PLEKHA6: variants seen among roughly 807,000 people sequenced by gnomAD.
PLEKHA6 encodes the protein pleckstrin homology domain containing A6.
In PLEKHA6, 60 loss-of-function variants were observed where a neutral mutation model predicts 116.7. The ratio of observed to expected loss-of-function variants is 0.51; its 90% CI spans 0.42 to 0.64. The LOEUF is 0.64. Among genes scored for constraint, PLEKHA6 ranks in the 30% least tolerant of loss-of-function variants. The probability of loss-of-function intolerance (pLI) is 0.00; values close to 1 mark genes in which losing one functional copy is unlikely to be tolerated. For synonymous variants in PLEKHA6, 489 were observed against 556.1 expected (o/e 0.88, Z 1.70); for missense variants, 1,338 against 1,422.7 (o/e 0.94, Z 0.96).
chr1:204,264,680 T>C (rs1349729458), intron 6 of PLEKHA6, among the ~76,000 whole-genome samples: 2 of 152,184 alleles, frequency 1.3e-5, no homozygotes, highest in African/African-American at 2.4e-5. Context: ...ACATCTCTAC[T>C]GGCCCACTCT....
At chr1:204,236,686 T>C (rs1307599480) in intron 17 of PLEKHA6, among the ~76,000 whole-genome samples, 1 of 152,194 alleles carries the variant, frequency 6.6e-6, no homozygotes, top group Non-Finnish European at 1.5e-5. Flanking sequence ...GTCTGACTTA[T>C]GTAGAGCTCT....
intron 17 of PLEKHA6, among the ~76,000 whole-genome samples, chr1:204,232,380 GAA>G (rs1661313221): frequency 6.6e-6 from 1 of 152,192 alleles, no homozygotes; most frequent in Admixed American, 6.5e-5. Context: ...CTCATTGTAG[GAA>G]AAGTGTGCCC....
chr1:204,246,621 A>T (rs1371172991), intron 13 of PLEKHA6, among the ~76,000 whole-genome samples: 1 of 152,182 alleles, frequency 6.6e-6, no homozygotes, highest in Non-Finnish European at 1.5e-5. Context: ...CAGGGCTTGC[A>T]AACTAGCTAG....
At chr1:204,274,464 G>T in intron 2 of PLEKHA6, 1 of 272,934 alleles carries the variant, frequency 3.7e-6, no homozygotes. Flanking sequence ...TGCTATGCCA[G>T]CCTCATACCT....
intron 1 of PLEKHA6, among the ~76,000 whole-genome samples, chr1:204,350,506 G>A (rs1340770997): frequency 1.3e-5 from 2 of 152,138 alleles, no homozygotes; most frequent in African/African-American, 4.8e-5. Flanking sequence ...TCAGAGCAGG[G>A]TTGGCCTCTA....
At chr1:204,362,846 C>T (rs1366920866), upstream of PLEKHA6, among the ~76,000 whole-genome samples, 1 of 152,238 alleles carries the variant, frequency 6.6e-6, no homozygotes, top group Admixed American at 6.5e-5. Flanking sequence ...CCATGCCTGG[C>T]TAACGATAAC....
intron 1 of PLEKHA6, among the ~76,000 whole-genome samples, chr1:204,317,427 C>A (rs1055193889): frequency 1.3e-5 from 2 of 152,194 alleles, no homozygotes; most frequent in Non-Finnish European, 2.9e-5. Flanking sequence ...CACCTGTAGC[C>A]TTCACCTCCT....
Position 204,261,466 on chromosome 1 carries a change from G to A in PLEKHA6, c.382-18C>T, listed in dbSNP as rs1185008526. On this transcript the variant is annotated intron_variant, in intron 6 of 22. Transcript: ENST00000272203. The surrounding 1 kb of genome is among the most constrained non-coding windows in gnomAD (Gnocchi z 4.0). ...TGCTCAGCCTGTGGGGAGAGGCAGCGTGTGGAGCTGGCCTCGGCCTCATCC... is the reference window on the plus strand; with the variant it reads ...TGCTCAGCCTGTGGGGAGAGGCAGCATGTGGAGCTGGCCTCGGCCTCATCC... 8.8e-6 allele frequency: 14 copies of A among 1,594,098 alleles called. No homozygotes were observed. Among genetic ancestry groups the A allele is most frequent in the South Asian group, 3.4e-5 (3 of 88,236 alleles).
intron 1 of PLEKHA6, among the ~76,000 whole-genome samples, chr1:204,328,652 C>A (rs1014887718): frequency 2.6e-5 from 4 of 152,220 alleles, no homozygotes; most frequent in African/African-American, 9.6e-5. Flanking sequence ...TCCCAAAGTG[C>A]TGGGATTACC....
intron 8 of PLEKHA6, among the ~76,000 whole-genome samples, chr1:204,258,742 A>G (rs1188225399): frequency 6.6e-6 from 1 of 152,260 alleles, no homozygotes. Flanking sequence ...GTAAATGGTC[A>G]TAGATGGCCA....
intron 4 of PLEKHA6, among the ~76,000 whole-genome samples, chr1:204,267,874 C>G (rs1250093160): frequency 6.6e-6 from 1 of 152,130 alleles, no homozygotes; most frequent in African/African-American, 2.4e-5. Context: ...CCTAGACTAG[C>G]AGGAGACACC....
At chr1:204,318,327 G>A (rs1671935994) in intron 1 of PLEKHA6, among the ~76,000 whole-genome samples, 1 of 152,164 alleles carries the variant, frequency 6.6e-6, no homozygotes, top group Non-Finnish European at 1.5e-5. Context: ...AATTCAGCAG[G>A]GTAGGTACTA....
chr1:204,362,600 C>T (rs193242591), upstream of PLEKHA6, among the ~76,000 whole-genome samples: 4 of 152,296 alleles, frequency 2.6e-5, no homozygotes, highest in East Asian at 7.7e-4. Context: ...AAGGGAGCTC[C>T]GTGGGATGAA....
intron 17 of PLEKHA6, among the ~76,000 whole-genome samples, chr1:204,234,572 A>G (rs893000975): frequency 6.6e-6 from 1 of 152,114 alleles, no homozygotes; most frequent in Non-Finnish European, 1.5e-5. Flanking sequence ...TTTTATGCAT[A>G]TGTGATGGTT....
intron 21 of PLEKHA6, among the ~76,000 whole-genome samples, chr1:204,227,604 C>T (rs1226502984): frequency 2.6e-5 from 4 of 152,144 alleles, no homozygotes; most frequent in Admixed American, 1.3e-4. Context: ...GTAATTGCAT[C>T]GCTCTCAACT....
chr1:204,245,662 A>T lies in PLEKHA6; in HGVS notation c.1985T>A (p.Leu662Gln). ...GCCCCGGGAGGGGTTGTTCTTCCTC[A>T]GCCCCTCCATCACGTCCTGGATCCT... ...IWRIQDVMEG[L>Q]RKNNPSRGTD... Residue 662 changes from leucine (L) to glutamine (Q), a missense_variant, in exon 14 of 23, where the codon CTG becomes CAG. By Grantham distance (113) the Leu-to-Gln change is moderately radical. This residue lies in a region of PLEKHA6 where 1,136 missense variants were observed against 1,163.6 expected (regional missense o/e 0.98). Coordinates refer to ENST00000272203, the MANE Select transcript of PLEKHA6 (RefSeq NM_014935.5). 6.2e-7 allele frequency: 1 copy of T among 1,613,754 alleles called. No individual in the cohort carries two copies. The highest frequency in any genetic ancestry group is 1.3e-5 in the African/African-American group (1 of 74,984).
Position 204,229,070 on chromosome 1 carries a change from A to T in PLEKHA6, c.2618T>A (p.Ile873Asn). The change falls in exon 19 of 23, where the codon ATC (isoleucine) becomes AAC (asparagine). Residue 873 changes from isoleucine (I) to asparagine (N), a missense_variant. Ile to Asn is a moderately radical substitution (Grantham distance 149). Transcript: ENST00000272203. ...CCGCAGGGCTGCCTCCAGGTTGGAGATGTCTACCTCATGGATGCTGCGGTG... is the reference window on the plus strand; with the variant it reads ...CCGCAGGGCTGCCTCCAGGTTGGAGTTGTCTACCTCATGGATGCTGCGGTG... ...RRHRSIHEVDISNLEAALRAE... is the reference protein window; with the variant it reads ...RRHRSIHEVDNSNLEAALRAE... The T allele has an allele frequency of 6.2e-7, 1 of 1,613,756 alleles. No individual in the cohort carries two copies. Among genetic ancestry groups the T allele is most frequent in the Non-Finnish European group, 8.5e-7 (1 of 1,179,850 alleles).
At chr1:204,235,734 C>T (rs1224170749) in intron 17 of PLEKHA6, among the ~76,000 whole-genome samples, 1 of 149,364 alleles carries the variant, frequency 6.7e-6, no homozygotes, top group Non-Finnish European at 1.5e-5. Context: ...AAGCTGGGGA[C>T]ATTGAGTTTG....
intron 7 of PLEKHA6, among the ~76,000 whole-genome samples, chr1:204,260,427 TG>T (rs1432142914): frequency 6.6e-6 from 1 of 152,232 alleles, no homozygotes; most frequent in Admixed American, 6.5e-5. Flanking sequence ...GGTAGGAACA[TG>T]GCAGACTTTC....
Sources: allele counts gnomAD v4.1 joint callset (sites outside exome capture counted in the v4.1 genomes callset), GRCh38; gene constraint gnomAD v4.1.1; regional missense constraint gnomAD v4.1.1; non-coding constraint Gnocchi (gnomAD v3.1); transcripts MANE v1.5; gene names NCBI Gene and HGNC (gene_info 2026-07-23, HGNC 2026-07-21).